Variants in SLC4A8 observed in about 807,000 individuals in gnomAD.
The protein encoded by SLC4A8 is electroneutral sodium bicarbonate exchanger 1.
SLC4A8 carries 40 observed loss-of-function variants against 125.0 expected under a neutral mutation model. That is an observed-to-expected ratio of 0.32 (90% CI 0.25 to 0.42). The LOEUF is 0.42. Among genes scored for constraint, SLC4A8 ranks in the 10% least tolerant of loss-of-function variants. The probability of loss-of-function intolerance (pLI) is 1.00; values close to 1 mark genes in which losing one functional copy is unlikely to be tolerated. For synonymous variants in SLC4A8, 456 were observed against 476.0 expected (o/e 0.96, Z 0.55); for missense variants, 863 against 1,355.1 (o/e 0.64, Z 5.70).
chr12:51,476,239 T>C (rs113166027), intron 16 of SLC4A8, among the ~76,000 whole-genome samples: 1 of 152,210 alleles, frequency 6.6e-6, no homozygotes, highest in African/African-American at 2.4e-5. Flanking sequence ...CCCAGCACTT[T>C]GGGAGGCCCA....
chr12:51,471,641 C>A (rs1950703337), intron 14 of SLC4A8, 109 bp downstream of exon 14: 2 of 1,260,520 alleles, frequency 1.6e-6, no homozygotes, highest in Middle Eastern at 2.0e-4. Flanking sequence ...AAGTGTCTTG[C>A]CCTTTAGGAA....
chr12:51,455,777 C>G (rs1257512583), intron 5 of SLC4A8, among the ~76,000 whole-genome samples: 1 of 152,154 alleles, frequency 6.6e-6, no homozygotes, highest in Non-Finnish European at 1.5e-5. Flanking sequence ...GGGCCCCCCT[C>G]TTTTTCAGGG....
At chr12:51,495,809 A>G (rs555245465) in intron 21 of SLC4A8, among the ~76,000 whole-genome samples, 2 of 152,246 alleles carry the variant, frequency 1.3e-5, no homozygotes, top group Non-Finnish European at 2.9e-5. Flanking sequence ...ATTTAGCCTA[A>G]TGTCTTCAAG....
At chr12:51,480,279 A>G (rs1305794369) in intron 16 of SLC4A8, 5 of 1,261,718 alleles carry the variant, frequency 4.0e-6, no homozygotes, top group Non-Finnish European at 5.1e-6. Context: ...ACTGGAGCAA[A>G]TAATGGATTT....
At chr12:51,433,872 TTTTTTTGGTTG>T (rs1565772337) in intron 1 of SLC4A8, among the ~76,000 whole-genome samples, 2 of 34,144 alleles carry the variant, frequency 5.9e-5, no homozygotes, top group African/African-American at 1.4e-4. Context: ...TTTTTTTTTT[TTTTTTTGGTTG>T]GTTTTTTTTT....
chr12:51,400,512 C>A (rs1366364342), intron 1 of SLC4A8, among the ~76,000 whole-genome samples: 3 of 151,154 alleles, frequency 2.0e-5, no homozygotes, highest in Non-Finnish European at 4.4e-5. Flanking sequence ...AGAAAAAAAA[C>A]CATGGTTAGT....
At chr12:51,472,770 A>T (rs1010288244) in intron 14 of SLC4A8, among the ~76,000 whole-genome samples, 25 of 152,148 alleles carry the variant, frequency 1.6e-4, no homozygotes, top group African/African-American at 5.5e-4. Context: ...GCTCAAGATG[A>T]TATTTTTTTT....
rs896616082 is a variant in SLC4A8 at position 51,437,255 on chromosome 12, C to T, written c.49-3453C>T. Reference sequence around the variant, plus strand: ...TCTTATTTGGGAGCATAGATGATAACTACAAAATAGTAACTTTGGAACAGT... The same window carrying T: ...TCTTATTTGGGAGCATAGATGATAATTACAAAATAGTAACTTTGGAACAGT... On this transcript the variant is annotated intron_variant, in intron 1 of 24. Coordinates refer to ENST00000453097, the MANE Select transcript of SLC4A8 (RefSeq NM_001039960.3). Among the ~76,000 whole-genome samples the T allele has an allele frequency of 1.4e-4, 21 of 152,310 alleles. 3 individuals are homozygous for T. Among genetic ancestry groups the T allele is most frequent in the Admixed American group, 1.2e-3 (19 of 15,306 alleles).
chr12:51,489,349 C>T (rs1363857091), intron 18 of SLC4A8, among the ~76,000 whole-genome samples: 58 of 152,162 alleles, frequency 3.8e-4, no homozygotes. Flanking sequence ...AATAAGGACA[C>T]TTACCTCTAA....
intron 1 of SLC4A8, among the ~76,000 whole-genome samples, chr12:51,397,931 G>C (rs1017400468): frequency 6.6e-6 from 1 of 152,054 alleles, no homozygotes; most frequent in African/African-American, 2.4e-5. Context: ...AGCCAGGCAT[G>C]GTTGTGTGTG....
chr12:51,468,340 A>G (rs1950584062), intron 11 of SLC4A8, among the ~76,000 whole-genome samples: 1 of 152,116 alleles, frequency 6.6e-6, no homozygotes, highest in African/African-American at 2.4e-5. Context: ...TCTCATCCTA[A>G]TCTATGCTCC....
At chr12:51,461,397 C>A in intron 9 of SLC4A8, 106 bp downstream of exon 9, 1 of 706,764 alleles carries the variant, frequency 1.4e-6, no homozygotes, top group South Asian at 1.6e-5. Flanking sequence ...CTTTCCATTG[C>A]AATATCTGCT....
In SLC4A8 at chr12:51,507,775, G is replaced by A. The variant is rs1294959769; in HGVS notation, c.*337G>A. ...ACGTTTTCTCTGAAATTCTCTGCTGGCCTGCCAAGCCATATGGATTCATTC... is the reference window on the plus strand; with the variant it reads ...ACGTTTTCTCTGAAATTCTCTGCTGACCTGCCAAGCCATATGGATTCATTC... On this transcript the variant is annotated 3_prime_UTR_variant, in exon 25 of 25. Coordinates refer to ENST00000453097, the MANE Select transcript of SLC4A8 (RefSeq NM_001039960.3). The A allele has an allele frequency of 4.9e-6, 1 of 203,920 alleles. No individual in the cohort carries two copies. The highest frequency in any genetic ancestry group is 9.8e-6 in the Non-Finnish European group (1 of 102,190). The allele number at this position is 203,920 out of a possible 1,614,324, so 12.6% of individuals were successfully genotyped here.
At position 51,461,980 on chromosome 12, in the gene SLC4A8, G is replaced by A. The variant is rs1249728918; in HGVS notation, c.1102-330G>A. ...CAAGAAAATTTCCCTCTCAACGTGG[G>A]AAAGCTGATTAAAATTTTTTTTTTC... On this transcript the variant is annotated intron_variant, in intron 9 of 24. Coordinates refer to ENST00000453097, the MANE Select transcript of SLC4A8 (RefSeq NM_001039960.3). 9 of 172,226 alleles carry A rather than the reference G, an allele frequency of 5.2e-5. No individual in the cohort carries two copies. The East Asian group carries it at 1.4e-3, about 27-fold the overall frequency. 10.7% of individuals were successfully genotyped at this position (172,226 alleles called of 1,614,324 possible).
intron 20 of SLC4A8, chr12:51,494,702 T>C (rs7954878): frequency 0.93 from 352,553 of 377,138 alleles, 164,947 homozygotes; most frequent in Non-Finnish European, 0.95. Context: ...GGAGACACAG[T>C]GTGGGATAAG....
At chr12:51,392,499 G>T (rs1213573547) in intron 1 of SLC4A8, among the ~76,000 whole-genome samples, 2 of 150,726 alleles carry the variant, frequency 1.3e-5, no homozygotes, top group African/African-American at 4.9e-5. Context: ...CTTGAACTCG[G>T]GAGGGGGAGG....
chr12:51,480,168 T>G, intron 16 of SLC4A8: 1 of 706,022 alleles, frequency 1.4e-6, no homozygotes, highest in Non-Finnish European at 2.1e-6. Context: ...CTCAATCTCT[T>G]GACCTCGTGA....
At chr12:51,450,380 A>G (rs181144270) in intron 2 of SLC4A8, among the ~76,000 whole-genome samples, 1 of 152,322 alleles carries the variant, frequency 6.6e-6, no homozygotes, top group African/African-American at 2.4e-5. Flanking sequence ...GATGAGTCAC[A>G]GAGAGATTAG....
At chr12:51,479,715 A>G (rs1184548399) in intron 16 of SLC4A8, among the ~76,000 whole-genome samples, 2 of 151,766 alleles carry the variant, frequency 1.3e-5, no homozygotes, top group East Asian at 3.9e-4. Flanking sequence ...GTGGACAAAT[A>G]TAGCTAGCAA....
Sources: allele counts gnomAD v4.1 joint callset (sites outside exome capture counted in the v4.1 genomes callset), GRCh38; gene constraint gnomAD v4.1.1; transcripts MANE v1.5; gene names NCBI Gene and HGNC (gene_info 2026-07-23, HGNC 2026-07-21).